The following PLCZ1 variants were observed in gnomAD, a reference collection of about 807,000 sequenced individuals.
PLCZ1 encodes 1-phosphatidylinositol 4,5-bisphosphate phosphodiesterase zeta-1.
PLCZ1 carries 64 observed loss-of-function variants against 76.8 expected under a neutral mutation model. That is an observed-to-expected ratio of 0.83 (90% CI 0.68 to 1.03). The LOEUF is 1.03. Ranked by LOEUF, PLCZ1 falls within the 50% of genes least tolerant of loss-of-function variation. PLCZ1 has a pLI of 0.00. For synonymous variants in PLCZ1, 248 were observed against 230.8 expected, an observed-to-expected ratio of 1.07 and a Z score of -0.68; for missense variants, 751 against 713.7, an observed-to-expected ratio of 1.05 and a Z score of -0.60.
chr12:18,727,485 G>A (rs958483579), intron 3 of PLCZ1, among the ~76,000 whole-genome samples: 10 of 152,280 alleles, frequency 6.6e-5, no homozygotes, highest in Admixed American at 2.6e-4. Context: ...CTTCAGAGGT[G>A]AGAAGGAAGA....
the PLCZ1 span, among the ~76,000 whole-genome samples, chr12:18,669,434 A>G: frequency 1.3e-5 from 2 of 152,262 alleles, no homozygotes; most frequent in African/African-American, 2.4e-5. Flanking sequence ...AATTCATATT[A>G]TCAGTGAGAG....
intron 5 of PLCZ1, among the ~76,000 whole-genome samples, chr12:18,715,441 G>C (rs1226294641): frequency 6.6e-6 from 1 of 150,730 alleles, no homozygotes; most frequent in Non-Finnish European, 1.5e-5. Context: ...TCGCTCTGTC[G>C]CCCAGACTGG....
At chr12:18,648,273 A>G in the PLCZ1 span, 1 of 263,996 alleles carries the variant, frequency 3.8e-6, no homozygotes, top group Non-Finnish European at 7.1e-6. Context: ...TAAAATAATA[A>G]AAGACCTTTA....
At chr12:18,693,213 C>A (rs551943260) in intron 12 of PLCZ1, 92 of 1,571,998 alleles carry the variant, frequency 5.9e-5, no homozygotes, top group Admixed American at 1.8e-4. Flanking sequence ...TCTTCTGGAA[C>A]CTGGCTGCTC....
the PLCZ1 span, among the ~76,000 whole-genome samples, chr12:18,650,726 A>G: frequency 0.013 from 289 of 21,486 alleles, 13 homozygotes; most frequent in African/African-American, 0.1. Flanking sequence ...ATATATATAT[A>G]TATATATATA....
intron 12 of PLCZ1, among the ~76,000 whole-genome samples, chr12:18,691,384 C>T (rs1041204509): frequency 3.3e-5 from 5 of 152,048 alleles, no homozygotes; most frequent in Middle Eastern, 3.2e-3. Context: ...CCTTTAGATT[C>T]CCAAAATCAT....
chr12:18,733,381 T>C (rs1959157544), intron 3 of PLCZ1, among the ~76,000 whole-genome samples: 1 of 152,202 alleles, frequency 6.6e-6, no homozygotes, highest in Non-Finnish European at 1.5e-5. Context: ...GCAAATATTT[T>C]CTTTTATTCT....
At chr12:18,721,357 A>G (rs1468980682) in intron 4 of PLCZ1, among the ~76,000 whole-genome samples, 1 of 152,074 alleles carries the variant, frequency 6.6e-6, no homozygotes, top group Non-Finnish European at 1.5e-5. Context: ...ATTGGCCTTA[A>G]TAAGACACCA....
the PLCZ1 span, among the ~76,000 whole-genome samples, chr12:18,650,323 C>CTATA: frequency 1.8e-3 from 138 of 77,908 alleles, 1 homozygote; most frequent in African/African-American, 5.8e-3. Flanking sequence ...CTCTCTCTCT[C>CTATA]TCTCTCTCTA....
chr12:18,668,875 A>G, the PLCZ1 span, among the ~76,000 whole-genome samples: 1 of 152,134 alleles, frequency 6.6e-6, no homozygotes, highest in Non-Finnish European at 1.5e-5. Flanking sequence ...AAAAATTCTG[A>G]TGGATCTTTT....
chr12:18,701,524 C>T lies in PLCZ1; in HGVS notation c.994G>A (p.Val332Ile). 6.2e-7 allele frequency: 1 copy of T among 1,614,014 alleles called. No homozygotes were observed. Among genetic ancestry groups the T allele is most frequent in the Non-Finnish European group, 8.5e-7 (1 of 1,179,970 alleles). Reference protein sequence around the residue: ...KETGVKKLPGVMLFKKKKTRK... With the variant: ...KETGVKKLPGIMLFKKKKTRK... ...ACCTTCTTTTTCTTGAAAAGCATTA[C>T]TCCAGGTAACTTTTTTACCCCTGTT... The change falls in exon 9 of 15, where the codon GTA becomes ATA. Residue 332 changes from valine to isoleucine, a missense_variant. Transcript: ENST00000266505.
Position 18,696,146 on chromosome 12 carries a change from A to G in PLCZ1, c.1291+4T>C, listed in dbSNP as rs544789451. 7 of 1,389,884 alleles carry G rather than the reference A, an allele frequency of 5.0e-6. No homozygotes were observed. The highest frequency in any genetic ancestry group is 1.2e-5 in the South Asian group (1 of 85,738). The allele number at this position is 1,389,884 out of a possible 1,614,324, so 86.1% of individuals were successfully genotyped here. ...CAAACAACTCAATATCGTATATAACATACCCATTTGACAACCTATATTCCA... is the reference window on the plus strand; with the variant it reads ...CAAACAACTCAATATCGTATATAACGTACCCATTTGACAACCTATATTCCA... On this transcript the variant is annotated splice_donor_region_variant and intron_variant, in intron 11 of 14. Transcript: ENST00000266505.
At chr12:18,656,558 C>G in the PLCZ1 span, among the ~76,000 whole-genome samples, 1 of 152,094 alleles carries the variant, frequency 6.6e-6, no homozygotes. Context: ...GAGCGAGACT[C>G]TGTCCTGAAA....
At chr12:18,730,945 G>C (rs1398776290) in intron 3 of PLCZ1, 2 of 152,058 alleles carry the variant, frequency 1.3e-5, no homozygotes, top group Admixed American at 1.3e-4. Flanking sequence ...ATAAAAACTT[G>C]TGTTCTTTGA....
At chr12:18,657,528 T>C in the PLCZ1 span, among the ~76,000 whole-genome samples, 1 of 152,296 alleles carries the variant, frequency 6.6e-6, no homozygotes, top group East Asian at 1.9e-4. Flanking sequence ...TCTAATTTTT[T>C]GTTGTTGTTT....
At chr12:18,716,050 G>C (rs372942029) in intron 5 of PLCZ1, among the ~76,000 whole-genome samples, 2 of 152,186 alleles carry the variant, frequency 1.3e-5, no homozygotes, top group African/African-American at 4.8e-5. Flanking sequence ...TTGGCTTACG[G>C]ATTTATTTAT....
intron 12 of PLCZ1, chr12:18,694,064 A>C: frequency 7.6e-7 from 1 of 1,310,072 alleles, no homozygotes; most frequent in Non-Finnish European, 1.1e-6. Context: ...TCTTTATAAG[A>C]AACAGGAAGA....
intron 6 of PLCZ1, among the ~76,000 whole-genome samples, chr12:18,707,356 T>C (rs573935044): frequency 1.9e-4 from 29 of 152,304 alleles, no homozygotes; most frequent in African/African-American, 2.4e-5. Context: ...ATTCTGAGAC[T>C]GGGCAAAGTG....
chr12:18,723,396 T>C lies in PLCZ1; in HGVS notation c.282A>G (p.Gln94=), dbSNP rs780509808. The C allele has an allele frequency of 1.4e-5, 22 of 1,612,936 alleles. No homozygotes were observed. Among genetic ancestry groups the C allele is most frequent in the South Asian group, 2.2e-5 (2 of 91,060 alleles). The change falls in exon 4 of 15, where the codon CAA becomes CAG. Residue 94 remains glutamine, a synonymous_variant. Coordinates refer to ENST00000266505, the MANE Select transcript of PLCZ1 (RefSeq NM_033123.4). ...CTGCATATTGTTCTTGTGTCAGAAA[T>C]TGAGCCAGATTACTTGCTAAAAGAA... The part of the protein sequence containing the change: ...RKILLASNLA[Q]FLTQEQYAAE...
Sources: gnomAD v4.1 joint callset for allele counts (sites outside exome capture counted in the v4.1 genomes callset) on GRCh38, gnomAD v4.1.1 for gene constraint, MANE v1.5 for transcripts, NCBI Gene and HGNC (gene_info 2026-07-23, HGNC 2026-07-21) for gene names.